ZNF804B: variants seen among roughly 807,000 people sequenced by gnomAD.
ZNF804B encodes zinc finger 804B.
A neutral mutation model predicts 101.4 loss-of-function variants in ZNF804B; 80 were observed. The observed-to-expected ratio is 0.79, with a 90% CI of 0.66 to 0.95. The LOEUF (loss-of-function observed/expected upper bound fraction) is 0.95. Among genes scored for constraint, ZNF804B ranks in the 40% least tolerant of loss-of-function variants. ZNF804B has a pLI of 0.00. For synonymous variants in ZNF804B, 622 were observed against 558.8 expected, an observed-to-expected ratio of 1.11 and a Z score of -1.59; for missense variants, 1,673 against 1,561.9, an observed-to-expected ratio of 1.07 and a Z score of -1.20.
intron 2 of ZNF804B, among the ~76,000 whole-genome samples, chr7:89,240,230 C>T (rs1319615144): frequency 6.6e-6 from 1 of 151,968 alleles, no homozygotes; most frequent in Admixed American, 6.6e-5. Flanking sequence ...TTTTGCTAGT[C>T]AGTAGTAACA....
chr7:88,762,347 G>A (rs1205940935), intron 1 of ZNF804B, among the ~76,000 whole-genome samples: 1 of 152,060 alleles, frequency 6.6e-6, no homozygotes, highest in Non-Finnish European at 1.5e-5. Flanking sequence ...TCTATCATTG[G>A]CAGGTGGTTG....
intron 1 of ZNF804B, among the ~76,000 whole-genome samples, chr7:89,048,467 T>C (rs1187630096): frequency 6.6e-6 from 1 of 151,920 alleles, no homozygotes; most frequent in Non-Finnish European, 1.5e-5. Context: ...TTTCATGGTC[T>C]CTTTGTAGCC....
At chr7:88,928,958 T>G (rs1276211367) in intron 1 of ZNF804B, among the ~76,000 whole-genome samples, 1 of 152,054 alleles carries the variant, frequency 6.6e-6, no homozygotes, top group Non-Finnish European at 1.5e-5. Flanking sequence ...AATTGAGCCC[T>G]TGTCATTGTG....
chr7:88,818,615 A>T (rs1417178642), intron 1 of ZNF804B, among the ~76,000 whole-genome samples: 2 of 152,220 alleles, frequency 1.3e-5, no homozygotes, highest in Admixed American at 6.5e-5. Context: ...AAATTCCAAC[A>T]GGAGATTTGA....
Position 89,333,486 on chromosome 7 carries a change from T to A in ZNF804B, c.504T>A (p.Leu168=). 1 of 1,613,284 alleles carries A rather than the reference T, an allele frequency of 6.2e-7. No homozygotes were observed. Among genetic ancestry groups the A allele is most frequent in the Non-Finnish European group, 8.5e-7 (1 of 1,179,552 alleles). Reference sequence around the variant, plus strand: ...CATGCATGAAGAGTGCTCTTCTCCTTAAAGGAAAAAATCTCCCCAGAATCA... The same window carrying A: ...CATGCATGAAGAGTGCTCTTCTCCTAAAAGGAAAAAATCTCCCCAGAATCA... ...KVSCMKSALL[L]KGKNLPRIIS... The change falls in exon 4 of 4, where the codon CTT becomes CTA. Residue 168 remains leucine (L), a synonymous_variant. Transcript: ENST00000333190.
At position 89,243,824 on chromosome 7, in the gene ZNF804B, A is replaced by G. The variant is rs139122476; in HGVS notation, c.249+25529A>G. ...ACAATATGTATTTACTTAGGAGTCAAAAGTTCATGTGGTAAATAAACACTA... is the reference window on the plus strand; with the variant it reads ...ACAATATGTATTTACTTAGGAGTCAGAAGTTCATGTGGTAAATAAACACTA... On this transcript the variant is annotated intron_variant, in intron 2 of 3. Transcript: ENST00000333190. Among the ~76,000 whole-genome samples, 573 of 152,012 alleles carry G rather than the reference A, an allele frequency of 3.8e-3. 3 individuals carry two copies. The highest frequency in any genetic ancestry group is 0.013 in the African/African-American group (550 of 41,542).
At chr7:89,226,851 A>G (rs1025283714) in intron 2 of ZNF804B, among the ~76,000 whole-genome samples, 1 of 152,136 alleles carries the variant, frequency 6.6e-6, no homozygotes, top group Non-Finnish European at 1.5e-5. Context: ...TCAATTTTGC[A>G]TCACTGCCTA....
intron 1 of ZNF804B, among the ~76,000 whole-genome samples, chr7:89,213,558 C>T (rs1429680163): frequency 1.3e-5 from 2 of 152,208 alleles, no homozygotes; most frequent in Non-Finnish European, 2.9e-5. Context: ...CATCTCTCAG[C>T]TTCAAGAGCA....
chr7:89,118,688 G>A (rs879928297), intron 1 of ZNF804B, among the ~76,000 whole-genome samples: 1 of 152,192 alleles, frequency 6.6e-6, no homozygotes, highest in Admixed American at 6.5e-5. Flanking sequence ...ACACTAACAA[G>A]CTATTTGTTA....
chr7:89,094,658 A>G (rs534697200), intron 1 of ZNF804B, among the ~76,000 whole-genome samples: 1 of 144,012 alleles, frequency 6.9e-6, no homozygotes, highest in South Asian at 2.3e-4. Flanking sequence ...GATGAAAACC[A>G]AAGAGTTGTT....
chr7:89,193,442 C>A (rs1289892418), intron 1 of ZNF804B, among the ~76,000 whole-genome samples: 1 of 151,168 alleles, frequency 6.6e-6, no homozygotes, highest in Non-Finnish European at 1.5e-5. Context: ...AGGTATACAT[C>A]CTAATGCTAT....
chr7:88,947,545 A>G (rs1234294029), intron 1 of ZNF804B, among the ~76,000 whole-genome samples: 1 of 151,844 alleles, frequency 6.6e-6, no homozygotes, highest in Non-Finnish European at 1.5e-5. Flanking sequence ...AGGGAGGGGT[A>G]GCATTAGGAG....
intron 1 of ZNF804B, among the ~76,000 whole-genome samples, chr7:88,774,922 G>C (rs1362165723): frequency 6.6e-6 from 1 of 152,162 alleles, no homozygotes; most frequent in Non-Finnish European, 1.5e-5. Flanking sequence ...AGCTCTCAGG[G>C]GGATTATGGC....
At chr7:89,165,544 C>T (rs989594725) in intron 1 of ZNF804B, among the ~76,000 whole-genome samples, 2 of 152,048 alleles carry the variant, frequency 1.3e-5, no homozygotes, top group African/African-American at 2.4e-5. Context: ...AAGGCAGAAT[C>T]CCTTAAGATA....
At chr7:88,889,476 C>T (rs1792183971) in intron 1 of ZNF804B, among the ~76,000 whole-genome samples, 6 of 152,146 alleles carry the variant, frequency 3.9e-5, no homozygotes, top group Admixed American at 3.9e-4. Flanking sequence ...AATTGCCATT[C>T]TGACTAGCAT....
At chr7:88,923,047 C>T (rs1026813454) in intron 1 of ZNF804B, among the ~76,000 whole-genome samples, 4 of 152,028 alleles carry the variant, frequency 2.6e-5, no homozygotes, top group Non-Finnish European at 4.4e-5. Context: ...AGTCTCTCCT[C>T]ATTTAATATT....
At chr7:88,764,779 T>C (rs1586893163) in intron 1 of ZNF804B, among the ~76,000 whole-genome samples, 1 of 152,156 alleles carries the variant, frequency 6.6e-6, no homozygotes. Context: ...AGTGATGCAC[T>C]TTTCAAGTGC....
intron 1 of ZNF804B, among the ~76,000 whole-genome samples, chr7:89,011,418 T>C (rs923923763): frequency 1.7e-4 from 26 of 152,120 alleles, no homozygotes; most frequent in African/African-American, 5.3e-4. Flanking sequence ...CCGAAAGTCT[T>C]AACTTATTCC....
At chr7:89,055,460 G>A (rs1789275930) in intron 1 of ZNF804B, among the ~76,000 whole-genome samples, 1 of 152,068 alleles carries the variant, frequency 6.6e-6, no homozygotes, top group Non-Finnish European at 1.5e-5. Context: ...GGATTGGGGT[G>A]ATTAGGTCCA....
Sources: allele counts gnomAD v4.1 joint callset (sites outside exome capture counted in the v4.1 genomes callset), GRCh38; gene constraint gnomAD v4.1.1; transcripts MANE v1.5; gene names NCBI Gene and HGNC (gene_info 2026-07-23, HGNC 2026-07-21).